Variants in SLCO5A1 observed in about 807,000 individuals in gnomAD.
The protein encoded by SLCO5A1 is solute carrier organic anion transporter family member 5A1.
Under a neutral mutation model 65.1 loss-of-function variants are expected in SLCO5A1, and 39 were observed. The observed-to-expected ratio is 0.60, with a 90% CI of 0.46 to 0.78. The LOEUF (loss-of-function observed/expected upper bound fraction) is 0.78, where lower values mean the gene tolerates loss of function less well. SLCO5A1 is among the 30% of genes least tolerant of loss of function. The pLI, the probability that SLCO5A1 is intolerant of heterozygous loss-of-function variation, is 0.00. For synonymous variants in SLCO5A1, 438 were observed against 415.7 expected (o/e 1.05, Z -0.65); for missense variants, 1,029 against 1,069.4 (o/e 0.96, Z 0.53).
At chr8:69,808,970 G>A (rs1035116911) in intron 2 of SLCO5A1, among the ~76,000 whole-genome samples, 2 of 152,092 alleles carry the variant, frequency 1.3e-5, no homozygotes, top group African/African-American at 4.8e-5. Context: ...CAGGCATGGT[G>A]GTGGGCGCCC....
At chr8:69,760,929 A>G (rs1817744293) in intron 3 of SLCO5A1, among the ~76,000 whole-genome samples, 1 of 152,228 alleles carries the variant, frequency 6.6e-6, no homozygotes, top group African/African-American at 2.4e-5. Flanking sequence ...GCAAGAAAAA[A>G]GGGTCACTGA....
intron 2 of SLCO5A1, among the ~76,000 whole-genome samples, chr8:69,826,369 G>T (rs371294324): frequency 2.6e-5 from 4 of 151,560 alleles, no homozygotes; most frequent in Non-Finnish European, 5.9e-5. Flanking sequence ...GAAAATTTTC[G>T]CAACCTACTC....
At chr8:69,752,272 A>G (rs887083543) in intron 4 of SLCO5A1, among the ~76,000 whole-genome samples, 18 of 152,018 alleles carry the variant, frequency 1.2e-4, no homozygotes, top group Non-Finnish European at 2.6e-4. Flanking sequence ...ATTAAGACCA[A>G]AAGAAGCCCT....
intron 6 of SLCO5A1, among the ~76,000 whole-genome samples, chr8:69,690,696 A>G (rs941525277): frequency 1.3e-5 from 2 of 152,180 alleles, no homozygotes; most frequent in Non-Finnish European, 2.9e-5. Flanking sequence ...TATTCAGAGA[A>G]GATACTTTAG....
intron 5 of SLCO5A1, among the ~76,000 whole-genome samples, chr8:69,713,084 A>G (rs1487088260): frequency 6.6e-6 from 1 of 152,234 alleles, no homozygotes; most frequent in Non-Finnish European, 1.5e-5. Context: ...AAGCCACCAA[A>G]GGAAATGCAG....
At chr8:69,749,308 T>A (rs946451489) in intron 4 of SLCO5A1, among the ~76,000 whole-genome samples, 2 of 152,102 alleles carry the variant, frequency 1.3e-5, no homozygotes, top group African/African-American at 2.4e-5. Context: ...CCCATATCAG[T>A]TGTCACACCC....
At chr8:69,778,204 T>C (rs950135191) in intron 2 of SLCO5A1, among the ~76,000 whole-genome samples, 1 of 151,646 alleles carries the variant, frequency 6.6e-6, no homozygotes, top group African/African-American at 2.4e-5. Context: ...TGGGGGACTA[T>C]TGCATATTTA....
chr8:69,736,336 T>C (rs192404059), intron 5 of SLCO5A1, among the ~76,000 whole-genome samples: 65 of 152,360 alleles, frequency 4.3e-4, no homozygotes, highest in African/African-American at 1.5e-3. Flanking sequence ...CCACAAGTTG[T>C]CTGTCTAGCC....
chr8:69,811,972 G>T (rs1438816304), intron 2 of SLCO5A1, among the ~76,000 whole-genome samples: 1 of 152,204 alleles, frequency 6.6e-6, no homozygotes, highest in Non-Finnish European at 1.5e-5. Context: ...GCTAGCATCT[G>T]GATCTAGGCC....
At chr8:69,771,066 C>T (rs954865130) in intron 2 of SLCO5A1, among the ~76,000 whole-genome samples, 1 of 152,144 alleles carries the variant, frequency 6.6e-6, no homozygotes, top group Non-Finnish European at 1.5e-5. Context: ...CTCACTGCAA[C>T]CTCCGCCTCC....
chr8:69,706,079 A>G (rs1814956711), intron 5 of SLCO5A1, among the ~76,000 whole-genome samples: 1 of 152,238 alleles, frequency 6.6e-6, no homozygotes, highest in African/African-American at 2.4e-5. Context: ...TATATAAAGG[A>G]TTGCTTCTAT....
At chr8:69,821,205 A>G (rs376868420) in intron 2 of SLCO5A1, among the ~76,000 whole-genome samples, 11 of 151,854 alleles carry the variant, frequency 7.2e-5, no homozygotes, top group African/African-American at 2.2e-4. Context: ...GTTAAAAAAA[A>G]AAAATTAGCT....
At chr8:69,711,508 C>T (rs1815257655) in intron 5 of SLCO5A1, among the ~76,000 whole-genome samples, 1 of 152,162 alleles carries the variant, frequency 6.6e-6, no homozygotes, top group Non-Finnish European at 1.5e-5. Context: ...GTGGGGAGGG[C>T]AAGGGGGGCA....
chr8:69,814,770 A>G (rs1820336027), intron 2 of SLCO5A1, among the ~76,000 whole-genome samples: 1 of 152,224 alleles, frequency 6.6e-6, no homozygotes, highest in Non-Finnish European at 1.5e-5. Context: ...TTATGGAATT[A>G]GCCCGTGTCC....
chr8:69,803,320 G>A (rs1165628396), intron 2 of SLCO5A1, among the ~76,000 whole-genome samples: 1 of 152,156 alleles, frequency 6.6e-6, no homozygotes, highest in Non-Finnish European at 1.5e-5. Context: ...AGGAGGCTGA[G>A]GCAGGAGAAT....
At position 69,832,289 on chromosome 8, in the gene SLCO5A1, A is replaced by C; in HGVS notation, c.385T>G (p.Cys129Gly). ...AGAAAGCACATGCACACCAGGAAGC[A>C]ACGGGAATCCGTGAGGACCACGTAG... ...CLYVVLTDSR[C>G]FLVCMCFLTF... The change falls in exon 2 of 10, where the codon TGC becomes GGC. Residue 129 changes from cysteine to glycine, a missense_variant. Coordinates refer to ENST00000260126, the MANE Select transcript of SLCO5A1 (RefSeq NM_030958.3). The surrounding 1 kb of genome is among the most constrained non-coding windows in gnomAD (Gnocchi z 4.5). The C allele has an allele frequency of 6.2e-7, 1 of 1,614,196 alleles. No homozygotes were observed. Among genetic ancestry groups the C allele is most frequent in the South Asian group, 1.1e-5 (1 of 91,086 alleles).
intron 5 of SLCO5A1, among the ~76,000 whole-genome samples, chr8:69,711,972 TC>T (rs1259388620): frequency 6.6e-6 from 1 of 152,242 alleles, no homozygotes; most frequent in African/African-American, 2.4e-5. Context: ...TGCTATTTAA[TC>T]TATAGAATTG....
intron 7 of SLCO5A1, among the ~76,000 whole-genome samples, chr8:69,680,135 C>A (rs1813705051): frequency 6.6e-6 from 1 of 152,046 alleles, no homozygotes; most frequent in African/African-American, 2.4e-5. Context: ...GTTTTCTTTT[C>A]TTTTTCAACT....
intron 4 of SLCO5A1, among the ~76,000 whole-genome samples, chr8:69,744,680 A>G (rs1816948695): frequency 1.3e-5 from 2 of 152,374 alleles, no homozygotes; most frequent in African/African-American, 2.4e-5. Context: ...CTCAAAAAAT[A>G]TACTTGGAAT....
Sources: gnomAD v4.1 joint callset for allele counts (sites outside exome capture counted in the v4.1 genomes callset) on GRCh38, gnomAD v4.1.1 for gene constraint, Gnocchi (gnomAD v3.1) non-coding constraint, MANE v1.5 for transcripts, NCBI Gene and HGNC (gene_info 2026-07-23, HGNC 2026-07-21) for gene names.